Variants in CABLES1 observed in about 807,000 individuals in gnomAD.
CABLES1 encodes the protein CDK5 and ABL1 enzyme substrate 1.
A neutral mutation model predicts 57.8 loss-of-function variants in CABLES1; 36 were observed. The ratio of observed to expected loss-of-function variants is 0.62; its 90% CI spans 0.48 to 0.82. The LOEUF (loss-of-function observed/expected upper bound fraction) is 0.82, where lower values mean the gene tolerates loss of function less well. Ranked by LOEUF, CABLES1 falls within the 40% of genes least tolerant of loss-of-function variation. CABLES1 has a pLI of 0.00. For missense variants in CABLES1, 767 were observed against 836.6 expected (o/e 0.92, Z 1.03); for synonymous variants, 374 against 363.0 (o/e 1.03, Z -0.35).
At chr18:23,225,683 C>T (rs930177992) in intron 4 of CABLES1, among the ~76,000 whole-genome samples, 3 of 152,182 alleles carry the variant, frequency 2.0e-5, no homozygotes, top group African/African-American at 7.2e-5. Flanking sequence ...CTCCTTTTTC[C>T]TCAACTAACA....
At chr18:23,157,809 C>G (rs1054942489) in intron 1 of CABLES1, among the ~76,000 whole-genome samples, 1 of 151,836 alleles carries the variant, frequency 6.6e-6, no homozygotes, top group Non-Finnish European at 1.5e-5. Context: ...GGCAACAGAG[C>G]GAGACCCTGT....
intron 1 of CABLES1, chr18:23,149,614 TC>T (rs1167047247): frequency 1.3e-5 from 2 of 152,248 alleles, no homozygotes; most frequent in African/African-American, 4.8e-5. Context: ...CTAAACTCTA[TC>T]CTGGATACGT....
At position 23,145,548 on chromosome 18, in the gene CABLES1, T is replaced by C. The variant is rs546274972; in HGVS notation, c.845+8941T>C. ...GGTCACCATTATCCATTTTTTCCAC[T>C]TTAGAAAAATATCTGTCCCCCTCAA... is the stretch of plus-strand genomic sequence containing the variant. On this transcript the variant is annotated intron_variant, in intron 1 of 9. Transcript: ENST00000256925. Among the ~76,000 whole-genome samples, 6 of 152,208 alleles carry C rather than the reference T, an allele frequency of 3.9e-5. No individual in the cohort carries two copies. In the South Asian group the frequency reaches 1.0e-3, roughly 26 times the overall value.
chr18:23,186,722 G>A (rs758876317), intron 1 of CABLES1, among the ~76,000 whole-genome samples: 5 of 152,024 alleles, frequency 3.3e-5, no homozygotes, highest in Non-Finnish European at 5.9e-5. Flanking sequence ...ATGCCCAGCC[G>A]GATTAAGGAG....
intron 1 of CABLES1, among the ~76,000 whole-genome samples, chr18:23,183,237 T>TC (rs2047179780): frequency 6.6e-6 from 1 of 152,208 alleles, no homozygotes; most frequent in South Asian, 2.1e-4. Context: ...CACAGGTTCT[T>TC]CTGTGTACTT....
intron 1 of CABLES1, among the ~76,000 whole-genome samples, chr18:23,144,048 C>A (rs969578542): frequency 1.3e-5 from 2 of 152,218 alleles, no homozygotes; most frequent in Admixed American, 1.3e-4. Context: ...CTGGCACTCT[C>A]AGGCTTCTCC....
intron 2 of CABLES1, 113 bp from the exon 3 acceptor site, chr18:23,194,335 C>A: frequency 1.5e-6 from 1 of 669,220 alleles, no homozygotes. Context: ...CTCCTGCCTG[C>A]TTTGGGGTGA....
chr18:23,173,507 G>A (rs1268623018), intron 1 of CABLES1, among the ~76,000 whole-genome samples: 1 of 152,188 alleles, frequency 6.6e-6, no homozygotes, highest in African/African-American at 2.4e-5. Flanking sequence ...GGCTTAGCAG[G>A]TCTAAAAACA....
At chr18:23,246,005 C>T (rs773140684) in intron 7 of CABLES1, among the ~76,000 whole-genome samples, 2 of 152,164 alleles carry the variant, frequency 1.3e-5, no homozygotes, top group African/African-American at 2.4e-5. Flanking sequence ...CGGTGGCTCA[C>T]GCCTGTAATC....
intron 1 of CABLES1, among the ~76,000 whole-genome samples, chr18:23,184,186 AG>A (rs1204723978): frequency 6.6e-6 from 1 of 152,178 alleles, no homozygotes; most frequent in East Asian, 1.9e-4. Flanking sequence ...TTCACAAAGA[AG>A]GGAAGTACAT....
chr18:23,138,847 C>T (rs993849580), intron 1 of CABLES1, among the ~76,000 whole-genome samples: 1 of 152,140 alleles, frequency 6.6e-6, no homozygotes, highest in Non-Finnish European at 1.5e-5. Context: ...TCATTTCTTG[C>T]CATTAGTGGA....
intron 7 of CABLES1, among the ~76,000 whole-genome samples, chr18:23,249,928 C>T (rs887673036): frequency 2.6e-5 from 4 of 152,206 alleles, no homozygotes; most frequent in Non-Finnish European, 5.9e-5. Flanking sequence ...AGGATCCCAG[C>T]GCTGGCCCCT....
At chr18:23,146,571 AGT>A (rs1377974707) in intron 1 of CABLES1, among the ~76,000 whole-genome samples, 5 of 152,214 alleles carry the variant, frequency 3.3e-5, no homozygotes, top group Non-Finnish European at 7.3e-5. Flanking sequence ...TTGGAGGGTG[AGT>A]AGTGAAGAAG....
chr18:23,165,071 C>A (rs931042224), intron 1 of CABLES1, among the ~76,000 whole-genome samples: 1 of 151,950 alleles, frequency 6.6e-6, no homozygotes, highest in Non-Finnish European at 1.5e-5. Flanking sequence ...CCATGTCCGG[C>A]CTTAACTATT....
intron 9 of CABLES1, among the ~76,000 whole-genome samples, chr18:23,255,100 T>A (rs1159497957): frequency 6.6e-6 from 1 of 151,698 alleles, no homozygotes; most frequent in Non-Finnish European, 1.5e-5. Flanking sequence ...GGCTCTGGGG[T>A]GATAAGGGCA....
At chr18:23,150,458 C>T (rs1407468287) in intron 1 of CABLES1, among the ~76,000 whole-genome samples, 3 of 152,018 alleles carry the variant, frequency 2.0e-5, no homozygotes, top group South Asian at 2.1e-4. Context: ...CCTCGTGATC[C>T]GCCCACCTCG....
At chr18:23,253,315 T>C (rs1302477775) in intron 8 of CABLES1, among the ~76,000 whole-genome samples, 1 of 152,136 alleles carries the variant, frequency 6.6e-6, no homozygotes, top group African/African-American at 2.4e-5. Context: ...AAATCCCGTC[T>C]CTACTAAAAA....
chr18:23,204,831 T>C (rs946269112), intron 3 of CABLES1, among the ~76,000 whole-genome samples: 1 of 152,210 alleles, frequency 6.6e-6, no homozygotes, highest in Non-Finnish European at 1.5e-5. Flanking sequence ...CTGAGACTTA[T>C]TCACTACCAT....
intron 7 of CABLES1, among the ~76,000 whole-genome samples, chr18:23,242,972 TGATTA>T (rs899770695): frequency 2.6e-5 from 4 of 151,804 alleles, no homozygotes; most frequent in Non-Finnish European, 5.9e-5. Context: ...ATGAGGTAGG[TGATTA>T]GATTCTGCCT....
Sources: gnomAD v4.1 joint callset for allele counts (sites outside exome capture counted in the v4.1 genomes callset) on GRCh38, gnomAD v4.1.1 for gene constraint, MANE v1.5 for transcripts, NCBI Gene and HGNC (gene_info 2026-07-23, HGNC 2026-07-21) for gene names.